Variants in MAP3K4 observed in about 807,000 individuals in gnomAD.
The protein encoded by MAP3K4 is mitogen-activated protein kinase kinase kinase 4.
A neutral mutation model predicts 185.6 loss-of-function variants in MAP3K4; 67 were observed. The observed-to-expected ratio is 0.36, with a 90% CI of 0.30 to 0.44. MAP3K4 has a LOEUF of 0.44. Ranked by LOEUF, MAP3K4 falls within the 20% of genes least tolerant of loss-of-function variation. MAP3K4 has a pLI of 1.00. For missense variants in MAP3K4, 1,551 were observed against 1,995.1 expected, an observed-to-expected ratio of 0.78 and a Z score of 4.24; for synonymous variants, 702 against 710.4, an observed-to-expected ratio of 0.99 and a Z score of 0.19.
At position 161,098,389 on chromosome 6, in the gene MAP3K4, T is replaced by C. The variant is rs139130842; in HGVS notation, c.3636T>C (p.Ser1212=). 1.1e-4 allele frequency: 171 copies of C among 1,613,968 alleles called. No individual in the cohort carries two copies. The East Asian group carries it at 3.8e-3, about 36-fold the overall frequency. Residue 1212 remains serine (S), a synonymous_variant, in exon 17 of 27, where the codon TCT becomes TCC. Coordinates refer to ENST00000392142, the MANE Select transcript of MAP3K4 (RefSeq NM_005922.4). The surrounding 1 kb of genome is among the most constrained non-coding windows in gnomAD (Gnocchi z 4.4). ...ASRPSPSGGD[S]VLPKSISSAH... ...GGCCCAGCCCCTCTGGTGGTGACTCTGTGCTGCCCAAATCCATCAGCAGTG... is the reference window on the plus strand; with the variant it reads ...GGCCCAGCCCCTCTGGTGGTGACTCCGTGCTGCCCAAATCCATCAGCAGTG...
rs1443385703 is a variant in MAP3K4 at position 161,084,583 on chromosome 6, A to C, written c.2338A>C (p.Ser780Arg). 6.8e-6 allele frequency: 11 copies of C among 1,612,024 alleles called. No individual in the cohort carries two copies. Among genetic ancestry groups the C allele is most frequent in the Non-Finnish European group, 8.5e-6 (10 of 1,178,074 alleles). Reference protein sequence around the residue: ...LQESCAEFWTSADDSSASDEI... With the variant: ...LQESCAEFWTRADDSSASDEI... Reference sequence around the variant, plus strand: ...GGAGAGCTGTGCTGAATTTTGGACTAGTGCGGATGACAGCAGTGCTTCCGA... The same window carrying C: ...GGAGAGCTGTGCTGAATTTTGGACTCGTGCGGATGACAGCAGTGCTTCCGA... Residue 780 changes from serine (S) to arginine (R), a missense_variant, in exon 7 of 27, where the codon AGT becomes CGT. Transcript: ENST00000392142. This position sits in a 1 kb window ranked among gnomAD's most constrained non-coding sequence, Gnocchi z 4.6.
rs1778286185 is a variant in MAP3K4, at chr6:161,110,226, C to A, written c.4396+312C>A. On this transcript the variant is annotated intron_variant, in intron 23 of 26. Coordinates refer to ENST00000392142, the MANE Select transcript of MAP3K4 (RefSeq NM_005922.4). The surrounding 1 kb of genome is among the most constrained non-coding windows in gnomAD (Gnocchi z 4.8). Reference sequence around the variant, plus strand: ...TACCAGACATTCGTGATCAAAGCAACCTTTTTTTTCTCTCGTGTCAGGATT... The same window carrying A: ...TACCAGACATTCGTGATCAAAGCAAACTTTTTTTTCTCTCGTGTCAGGATT... Among the ~76,000 whole-genome samples the A allele has an allele frequency of 6.6e-6, 1 of 152,146 alleles. No individual in the cohort carries two copies. Among genetic ancestry groups the A allele is most frequent in the South Asian group, 2.1e-4 (1 of 4,822 alleles).
At chr6:161,046,420 CTG>C (rs1449002302) in intron 2 of MAP3K4, among the ~76,000 whole-genome samples, 3 of 151,808 alleles carry the variant, frequency 2.0e-5, no homozygotes, top group African/African-American at 7.2e-5. Flanking sequence ...AACAATAAAA[CTG>C]TGAAGAAATT....
chr6:161,027,483 A>G (rs138371429), intron 1 of MAP3K4, among the ~76,000 whole-genome samples: 102 of 152,352 alleles, frequency 6.7e-4, no homozygotes, highest in African/African-American at 2.4e-3. Flanking sequence ...GTGAAAGCTT[A>G]GGAAGAAAAA....
chr6:161,014,665 T>G (rs954329781), intron 1 of MAP3K4, among the ~76,000 whole-genome samples: 1 of 152,220 alleles, frequency 6.6e-6, no homozygotes, highest in Non-Finnish European at 1.5e-5. Flanking sequence ...TATCAGAAAG[T>G]GTTCTCATTG....
At position 161,100,187 on chromosome 6, in the gene MAP3K4, CCGTGAGT is replaced by C. The variant is rs1440987271; in HGVS notation, c.3675-1703_3675-1697del. 6.6e-6 allele frequency among the ~76,000 whole-genome samples: 1 copy of C among 152,120 alleles called. No individual in the cohort carries two copies. The highest frequency in any genetic ancestry group is 2.4e-5 in the African/African-American group (1 of 41,422). On this transcript the variant is annotated intron_variant, in intron 17 of 26. Coordinates refer to ENST00000392142, the MANE Select transcript of MAP3K4 (RefSeq NM_005922.4). This position sits in a 1 kb window ranked among gnomAD's most constrained non-coding sequence, Gnocchi z 5.8. ...TTCACAGTGAGCCTGGTTCATGGGC[CCGTGAGT>C]CACTGGTGGATTCGGCCCACTGCTC...
At chr6:161,095,221 C>T (rs552547313) in intron 15 of MAP3K4, among the ~76,000 whole-genome samples, 22 of 152,206 alleles carry the variant, frequency 1.4e-4, no homozygotes, top group Non-Finnish European at 2.4e-4. Flanking sequence ...ACTGAACTGT[C>T]GGGGGCCTGG....
intron 1 of MAP3K4, among the ~76,000 whole-genome samples, chr6:161,010,386 A>G (rs899690431): frequency 6.6e-6 from 1 of 152,342 alleles, no homozygotes. Context: ...ATCTCAAGTA[A>G]TATTTGTTAG....
rs1785764894 is a variant in MAP3K4 at position 161,087,141 on chromosome 6, C to A, written c.2556+474C>A. Among the ~76,000 whole-genome samples, 1 of 152,176 alleles carries A rather than the reference C, an allele frequency of 6.6e-6. No individual in the cohort carries two copies. The highest frequency in any genetic ancestry group is 1.5e-5 in the Non-Finnish European group (1 of 68,044). On this transcript the variant is annotated intron_variant, in intron 9 of 26. Transcript: ENST00000392142. This position sits in a 1 kb window ranked among gnomAD's most constrained non-coding sequence, Gnocchi z 4.9. ...AGTTAGAATCCGTATGTGATGTCAT[C>A]ACTGGACATTTTATCCCAAGCCCAC...
rs1207270827 is a variant in MAP3K4 at position 161,053,551 on chromosome 6, C to T, written c.1707+3572C>T. Among the ~76,000 whole-genome samples, 1 of 152,180 alleles carries T rather than the reference C, an allele frequency of 6.6e-6. No homozygotes were observed. The highest frequency in any genetic ancestry group is 2.1e-4 in the South Asian group (1 of 4,824). On this transcript the variant is annotated intron_variant, in intron 3 of 26. Coordinates refer to ENST00000392142, the MANE Select transcript of MAP3K4 (RefSeq NM_005922.4). The surrounding 1 kb of genome is among the most constrained non-coding windows in gnomAD (Gnocchi z 4.2). ...AATAATTGTACATTTTAAGGGCATACATTTTAGGCAGTAAAACCTTTTAGG... is the reference window on the plus strand; with the variant it reads ...AATAATTGTACATTTTAAGGGCATATATTTTAGGCAGTAAAACCTTTTAGG...
intron 1 of MAP3K4, among the ~76,000 whole-genome samples, chr6:161,015,364 C>T (rs943524057): frequency 4.6e-5 from 7 of 151,996 alleles, no homozygotes; most frequent in Non-Finnish European, 1.0e-4. Flanking sequence ...GGACTTACTA[C>T]CTAGGTGATG....
chr6:161,086,509 TTTTTTCTTG>T lies in MAP3K4; in HGVS notation c.2472+40_2472+48del. ...CTTGCAATCCTGATTAATTAGTACCTTTTTTCTTGTTTTTCTTTTATCTTATTTTTTTAA... is the reference window on the plus strand; with the variant it reads ...CTTGCAATCCTGATTAATTAGTACCTTTTTTCTTTTATCTTATTTTTTTAA... On this transcript the variant is annotated intron_variant, in intron 8 of 26. Transcript: ENST00000392142. The surrounding 1 kb of genome is among the most constrained non-coding windows in gnomAD (Gnocchi z 4.8). 1.3e-6 allele frequency: 2 copies of T among 1,598,538 alleles called. No individual in the cohort carries two copies. Among genetic ancestry groups the T allele is most frequent in the Non-Finnish European group, 1.7e-6 (2 of 1,169,962 alleles).
rs1783206054 is a variant in MAP3K4 at position 161,037,118 on chromosome 6, A to G, written c.343+2669A>G. Among the ~76,000 whole-genome samples, 1 of 152,218 alleles carries G rather than the reference A, an allele frequency of 6.6e-6. No homozygotes were observed. Among genetic ancestry groups the G allele is most frequent in the Non-Finnish European group, 1.5e-5 (1 of 68,036 alleles). On this transcript the variant is annotated intron_variant, in intron 2 of 26. Coordinates refer to ENST00000392142, the MANE Select transcript of MAP3K4 (RefSeq NM_005922.4). This position sits in a 1 kb window ranked among gnomAD's most constrained non-coding sequence, Gnocchi z 4.2. ...CGGACATTCTTGTTTATGAATACCAAGACAAGGTGGAAATGGGACGCCAGT... is the reference window on the plus strand; with the variant it reads ...CGGACATTCTTGTTTATGAATACCAGGACAAGGTGGAAATGGGACGCCAGT...
chr6:161,050,280 C>G (rs1783942086), intron 3 of MAP3K4, among the ~76,000 whole-genome samples: 1 of 152,148 alleles, frequency 6.6e-6, no homozygotes. Context: ...AAGCCATAGT[C>G]ATGGATGACC....
rs1783257084 is a variant in MAP3K4 at position 161,037,971 on chromosome 6, A to G, written c.343+3522A>G. The stretch of plus-strand genomic sequence containing the variant: ...TCTCACTACATAATGCTGCTAGTAC[A>G]TTTTTTTTGTTACTGTTGCTGTTGC... On this transcript the variant is annotated intron_variant, in intron 2 of 26. Coordinates refer to ENST00000392142, the MANE Select transcript of MAP3K4 (RefSeq NM_005922.4). This position sits in a 1 kb window ranked among gnomAD's most constrained non-coding sequence, Gnocchi z 4.2. Among the ~76,000 whole-genome samples, 2 of 151,676 alleles carry G rather than the reference A, an allele frequency of 1.3e-5. No homozygotes were observed. Among genetic ancestry groups the G allele is most frequent in the Admixed American group, 6.6e-5 (1 of 15,244 alleles).
intron 3 of MAP3K4, among the ~76,000 whole-genome samples, chr6:161,059,237 G>A (rs1378173456): frequency 6.6e-6 from 1 of 151,978 alleles, no homozygotes; most frequent in Non-Finnish European, 1.5e-5. Flanking sequence ...CCAAGTTCCA[G>A]CGATTCTCAT....
At chr6:161,052,784 C>T (rs1232095134) in intron 3 of MAP3K4, among the ~76,000 whole-genome samples, 1 of 152,008 alleles carries the variant, frequency 6.6e-6, no homozygotes, top group African/African-American at 2.4e-5. Flanking sequence ...GTCCCCCACT[C>T]CCAGGTTTGT....
chr6:161,109,139 C>CT lies in MAP3K4; in HGVS notation c.4236+282dup, dbSNP rs1240957844. Reference sequence around the variant, plus strand: ...TTCTAAAACGCCCCTTACACCACTTCTTGTGACTTTTTTTCCGTTTTTTTG... The same window carrying CT: ...TTCTAAAACGCCCCTTACACCACTTCTTTGTGACTTTTTTTCCGTTTTTTTG... On this transcript the variant is annotated intron_variant, in intron 22 of 26. Coordinates refer to ENST00000392142, the MANE Select transcript of MAP3K4 (RefSeq NM_005922.4). This position sits in a 1 kb window ranked among gnomAD's most constrained non-coding sequence, Gnocchi z 5.7. 5.2e-6 allele frequency: 4 copies of CT among 775,932 alleles called. No homozygotes were observed. The highest frequency in any genetic ancestry group is 8.1e-6 in the Non-Finnish European group (4 of 491,022). The allele number at this position is 775,932 out of a possible 1,614,324, so 48.1% of individuals were successfully genotyped here. A position where few individuals can be genotyped will look rare whatever the true frequency, so the allele number is the denominator to read the frequency against.
At chr6:161,078,829 G>A (rs1785301526) in intron 5 of MAP3K4, among the ~76,000 whole-genome samples, 1 of 152,200 alleles carries the variant, frequency 6.6e-6, no homozygotes, top group South Asian at 2.1e-4. Flanking sequence ...TGAAGAGGGG[G>A]CCAGTGGTGT....
Sources: gnomAD v4.1 joint callset for allele counts (sites outside exome capture counted in the v4.1 genomes callset) on GRCh38, gnomAD v4.1.1 for gene constraint, Gnocchi (gnomAD v3.1) non-coding constraint, MANE v1.5 for transcripts, NCBI Gene and HGNC (gene_info 2026-07-23, HGNC 2026-07-21) for gene names.